Variants in POU6F2 observed in about 807,000 individuals in gnomAD.
POU6F2 encodes the protein POU class 6 homeobox 2.
POU6F2 carries 31 observed loss-of-function variants against 71.3 expected under a neutral mutation model. The ratio of observed to expected loss-of-function variants is 0.43; its 90% CI spans 0.33 to 0.59. The LOEUF (loss-of-function observed/expected upper bound fraction) is 0.59. Ranked by LOEUF, POU6F2 falls within the 20% of genes least tolerant of loss-of-function variation. POU6F2 has a pLI of 0.04. For missense variants in POU6F2, 783 were observed against 856.8 expected (o/e 0.91, Z 1.07); for synonymous variants, 347 against 355.7 (o/e 0.98, Z 0.27).
intron 2 of POU6F2, among the ~76,000 whole-genome samples, chr7:39,102,105 A>G (rs1373899433): frequency 6.6e-6 from 1 of 152,214 alleles, no homozygotes; most frequent in Non-Finnish European, 1.5e-5. Flanking sequence ...ATTGTTAGCT[A>G]ATAACACTTC....
intron 2 of POU6F2, among the ~76,000 whole-genome samples, chr7:39,163,711 C>A (rs1793046721): frequency 6.6e-6 from 1 of 152,204 alleles, no homozygotes; most frequent in Non-Finnish European, 1.5e-5. Flanking sequence ...GATGTCTGCA[C>A]TCCCATGTTC....
intron 2 of POU6F2, among the ~76,000 whole-genome samples, chr7:39,194,632 G>C (rs1301737428): frequency 1.3e-5 from 2 of 152,174 alleles, no homozygotes; most frequent in East Asian, 2.0e-4. Context: ...GCCAAAGAAA[G>C]GAATAAAAGC....
intron 2 of POU6F2, among the ~76,000 whole-genome samples, chr7:39,111,714 A>T (rs191456351): frequency 3.9e-5 from 6 of 152,310 alleles, no homozygotes; most frequent in African/African-American, 1.4e-4. Context: ...GAACTATAGT[A>T]CATTCAGATG....
intron 1 of POU6F2, among the ~76,000 whole-genome samples, chr7:39,051,091 A>T (rs1353918743): frequency 6.6e-6 from 1 of 152,118 alleles, no homozygotes; most frequent in Non-Finnish European, 1.5e-5. Flanking sequence ...GCTTCAGGAC[A>T]CCTCATATAG....
chr7:39,458,064 C>A (rs562607797), intron 8 of POU6F2, among the ~76,000 whole-genome samples: 126 of 150,458 alleles, frequency 8.4e-4, no homozygotes, highest in Non-Finnish European at 1.4e-3. Context: ...CACATCTGCC[C>A]TGTTGATGTA....
chr7:39,296,260 A>G (rs73130472), intron 4 of POU6F2, among the ~76,000 whole-genome samples: 9,384 of 152,270 alleles, frequency 0.062, 357 homozygotes, highest in South Asian at 0.18. Context: ...TTAATTATTT[A>G]TGAGAACTCT....
In POU6F2 at chr7:39,009,640, T is replaced by C. The variant is rs556045000; in HGVS notation, c.105+31582T>C. On this transcript the variant is annotated intron_variant, in intron 1 of 9. Transcript: ENST00000518318. ...ATGCTTCCAGTTTTTGCCCACTCAG[T>C]ATGATATTGGCTGTGGGTTTATCAT... Among the ~76,000 whole-genome samples, 9 of 152,350 alleles carry C rather than the reference T, an allele frequency of 5.9e-5. No individual in the cohort carries two copies. In the South Asian group the frequency reaches 1.9e-3, roughly 32 times the overall value.
At chr7:39,074,663 T>C (rs1453048631) in intron 1 of POU6F2, among the ~76,000 whole-genome samples, 1 of 152,088 alleles carries the variant, frequency 6.6e-6, no homozygotes, top group Non-Finnish European at 1.5e-5. Flanking sequence ...TTTTTAGCAG[T>C]GGTTTCTTGT....
intron 5 of POU6F2, among the ~76,000 whole-genome samples, chr7:39,345,434 T>G (rs1269884693): frequency 6.6e-6 from 1 of 152,186 alleles, no homozygotes; most frequent in African/African-American, 2.4e-5. Context: ...CACCAAATTT[T>G]GCACAGTAGA....
intron 4 of POU6F2, among the ~76,000 whole-genome samples, chr7:39,300,237 A>G (rs931001863): frequency 3.3e-5 from 5 of 152,380 alleles, no homozygotes; most frequent in African/African-American, 1.2e-4. Flanking sequence ...TAAACTAAAC[A>G]TTGTGATAAA....
chr7:39,065,905 C>G (rs911202856), intron 1 of POU6F2, among the ~76,000 whole-genome samples: 12 of 151,330 alleles, frequency 7.9e-5, no homozygotes, highest in African/African-American at 2.9e-4. Flanking sequence ...TAAATTATTC[C>G]AGAGATAAAA....
intron 1 of POU6F2, among the ~76,000 whole-genome samples, chr7:39,057,593 T>C (rs2128715244): frequency 6.6e-6 from 1 of 152,282 alleles, no homozygotes; most frequent in Non-Finnish European, 1.5e-5. Flanking sequence ...AGTTTTGTAT[T>C]ATTAATATTT....
At chr7:39,288,601 A>T (rs1237965395) in intron 4 of POU6F2, among the ~76,000 whole-genome samples, 1 of 152,212 alleles carries the variant, frequency 6.6e-6, no homozygotes, top group Non-Finnish European at 1.5e-5. Context: ...ATCGTGAATC[A>T]TCTGTCCTAC....
chr7:39,087,140 CTTTATTAATTAATTAATTAA>C (rs1304170190), intron 2 of POU6F2, among the ~76,000 whole-genome samples: 43 of 110,730 alleles, frequency 3.9e-4, no homozygotes, highest in African/African-American at 1.6e-3. Flanking sequence ...GAAACACAGG[CTTTATTAATTAATTAATTAA>C]TTTATTTATT....
At chr7:39,109,385 C>A (rs1791758736) in intron 2 of POU6F2, among the ~76,000 whole-genome samples, 1 of 152,114 alleles carries the variant, frequency 6.6e-6, no homozygotes, top group Non-Finnish European at 1.5e-5. Flanking sequence ...CGATTATTAC[C>A]ATTTTAATAC....
intron 4 of POU6F2, among the ~76,000 whole-genome samples, chr7:39,258,743 C>T (rs1448571659): frequency 6.6e-6 from 1 of 151,576 alleles, no homozygotes; most frequent in Non-Finnish European, 1.5e-5. Context: ...GGTAGGGGCA[C>T]CGCAGAATCT....
chr7:39,221,384 C>T (rs1360182737), intron 4 of POU6F2, among the ~76,000 whole-genome samples: 2 of 86,350 alleles, frequency 2.3e-5, no homozygotes, highest in East Asian at 4.1e-4. Flanking sequence ...CTCTCTCTCT[C>T]TTTTTTTTTT....
intron 1 of POU6F2, among the ~76,000 whole-genome samples, chr7:39,079,460 A>G (rs1183914273): frequency 6.6e-6 from 1 of 152,070 alleles, no homozygotes; most frequent in East Asian, 1.9e-4. Flanking sequence ...TACAGGCTTA[A>G]GCCACCGTGC....
intron 4 of POU6F2, among the ~76,000 whole-genome samples, chr7:39,304,191 C>T (rs1232111782): frequency 6.6e-6 from 1 of 152,130 alleles, no homozygotes; most frequent in Non-Finnish European, 1.5e-5. Context: ...AAAGCTGCAA[C>T]ACATATGGTA....
Sources: gnomAD v4.1 joint callset for allele counts (sites outside exome capture counted in the v4.1 genomes callset) on GRCh38, gnomAD v4.1.1 for gene constraint, MANE v1.5 for transcripts, NCBI Gene and HGNC (gene_info 2026-07-23, HGNC 2026-07-21) for gene names.